The following COL6A6 variants were observed in gnomAD, a reference collection of about 807,000 sequenced individuals.
COL6A6 encodes the protein collagen type VI alpha 6 chain.
In COL6A6, 183 loss-of-function variants were observed where a neutral mutation model predicts 208.6. The ratio of observed to expected loss-of-function variants is 0.88; its 90% CI spans 0.78 to 0.99. The LOEUF (loss-of-function observed/expected upper bound fraction) is 0.99. Ranked by LOEUF, COL6A6 falls within the 50% of genes least tolerant of loss-of-function variation. COL6A6 has a pLI of 0.00. For synonymous variants in COL6A6, 973 were observed against 1,011.8 expected (o/e 0.96, Z 0.73); for missense variants, 2,816 against 2,815.2 (o/e 1.00, Z -0.01).
At chr3:130,529,811 G>A (rs2062041812) in intron 1 of COL6A6, among the ~76,000 whole-genome samples, 1 of 152,154 alleles carries the variant, frequency 6.6e-6, no homozygotes, top group Admixed American at 6.5e-5. Context: ...GTTCATGAGG[G>A]AAAGGACCAT....
Position 130,565,628 on chromosome 3 carries a change from C to G in COL6A6, c.1282+14C>G. The G allele has an allele frequency of 6.3e-7, 1 of 1,594,272 alleles. No homozygotes were observed. ...CGCTCAAATCTGGTAAGGTCTTCTGCTGAAAGAAGGGTTGTTTGGATTCTT... is the reference window on the plus strand; with the variant it reads ...CGCTCAAATCTGGTAAGGTCTTCTGGTGAAAGAAGGGTTGTTTGGATTCTT... On this transcript the variant is annotated intron_variant, in intron 4 of 36. Transcript: ENST00000358511.
chr3:130,574,196 T>C lies in COL6A6; in HGVS notation c.3218T>C (p.Ile1073Thr), dbSNP rs747300946. Residue 1073 changes from isoleucine (I) to threonine (T), a missense_variant, in exon 8 of 37, where the codon ATC becomes ACC. Transcript: ENST00000358511. ...ISFQIENIKQIFGNTHIGAAL... is the reference protein window; with the variant it reads ...ISFQIENIKQTFGNTHIGAAL... ...TTTCAGATTGAAAACATCAAGCAGA[T>C]CTTTGGAAACACACACATCGGTGCT... The C allele has an allele frequency of 2.5e-6, 4 of 1,613,936 alleles. No individual in the cohort carries two copies. Among genetic ancestry groups the C allele is most frequent in the Middle Eastern group, 3.3e-4 (2 of 6,062 alleles).
At chr3:130,645,131 C>CAG in intron 32 of COL6A6, 129 bp downstream of exon 32, 1 of 848,388 alleles carries the variant, frequency 1.2e-6, no homozygotes, top group Non-Finnish European at 2.0e-6. Flanking sequence ...TTGCTGCTGC[C>CAG]TCATACTGGT....
At chr3:130,634,234 T>TAAA (rs2065035952) in intron 26 of COL6A6, among the ~76,000 whole-genome samples, 1 of 12,632 alleles carries the variant, frequency 7.9e-5, no homozygotes, top group Non-Finnish European at 1.2e-4. Context: ...AATAAATAAA[T>TAAA]AAATAAATAA....
intron 1 of COL6A6, among the ~76,000 whole-genome samples, chr3:130,542,285 T>C (rs193292621): frequency 6.6e-6 from 1 of 152,198 alleles, no homozygotes; most frequent in African/African-American, 2.4e-5. Flanking sequence ...TTTCTTCTAC[T>C]CATTTTATTT....
At position 130,586,495 on chromosome 3, in the gene COL6A6, G is replaced by T; in HGVS notation, c.3971-11G>T. ...CACCTCACCTGGAACATTGTAAACT[G>T]TGTTGGATAGGCCTGAATGCCCTCA... On this transcript the variant is annotated splice_polypyrimidine_tract_variant and intron_variant, in intron 10 of 36. Coordinates refer to ENST00000358511, the MANE Select transcript of COL6A6 (RefSeq NM_001102608.3). The T allele has an allele frequency of 6.2e-7, 1 of 1,607,518 alleles. No individual in the cohort carries two copies. Among genetic ancestry groups the T allele is most frequent in the Non-Finnish European group, 8.5e-7 (1 of 1,177,800 alleles).
chr3:130,563,561 T>G lies in COL6A6; in HGVS notation c.558T>G (p.Leu186=). Reference sequence around the variant, plus strand: ...CCACGTCTCAGTTTCATTTCAACCTTCGGACAGTCAGAGACCTCAGCATGT... The same window carrying G: ...CCACGTCTCAGTTTCATTTCAACCTGCGGACAGTCAGAGACCTCAGCATGT... ...AMATSQFHFN[L]RTVRDLSMFS... is the part of the protein sequence containing the mutation. The change falls in exon 3 of 37, where the codon CTT becomes CTG. Residue 186 remains leucine, a synonymous_variant. Coordinates refer to ENST00000358511, the MANE Select transcript of COL6A6 (RefSeq NM_001102608.3). 6.2e-7 allele frequency: 1 copy of G among 1,613,958 alleles called. No individual in the cohort carries two copies. The highest frequency in any genetic ancestry group is 2.2e-5 in the East Asian group (1 of 44,876).
chr3:130,556,420 T>A (rs1381611882), intron 1 of COL6A6, among the ~76,000 whole-genome samples: 1 of 152,236 alleles, frequency 6.6e-6, no homozygotes, highest in Non-Finnish European at 1.5e-5. Context: ...AAGATTCAGA[T>A]AATCTGTTTC....
In COL6A6 at chr3:130,568,331, C is replaced by T. The variant is rs760042090; in HGVS notation, c.2128C>T (p.Gln710Ter). ...LTGSALSFVS[Q>*]YFSPTKGARP... ...TGGTAGTGCCCTGAGCTTTGTGTCTCAGTACTTCAGCCCCACCAAGGGCGC... is the reference window on the plus strand; with the variant it reads ...TGGTAGTGCCCTGAGCTTTGTGTCTTAGTACTTCAGCCCCACCAAGGGCGC... The change falls in exon 6 of 37, where the codon CAG becomes TAG. Residue 710 changes from glutamine (Q) to a stop codon, truncating the protein, a stop_gained. Transcript: ENST00000358511. LOFTEE classifies it high-confidence loss of function. 6.8e-6 allele frequency: 11 copies of T among 1,613,890 alleles called. No homozygotes were observed. The African/African-American group carries it at 1.3e-4, about 20-fold the overall frequency.
chr3:130,520,019 C>T (rs1710972408), intron 1 of COL6A6, among the ~76,000 whole-genome samples: 1 of 152,176 alleles, frequency 6.6e-6, no homozygotes, highest in Non-Finnish European at 1.5e-5. Flanking sequence ...GGGCCTGTCA[C>T]TCTGGCATGC....
chr3:130,558,737 A>G (rs2062819294), intron 1 of COL6A6, among the ~76,000 whole-genome samples: 1 of 152,242 alleles, frequency 6.6e-6, no homozygotes, highest in Admixed American at 6.5e-5. Context: ...TAATATAAAC[A>G]GAAAGGAAGA....
chr3:130,638,034 A>G (rs1383900982), intron 28 of COL6A6, among the ~76,000 whole-genome samples: 1 of 152,026 alleles, frequency 6.6e-6, no homozygotes, highest in Non-Finnish European at 1.5e-5. Flanking sequence ...AATCAAAAAC[A>G]TCTTCAGACA....
intron 20 of COL6A6, among the ~76,000 whole-genome samples, chr3:130,606,446 C>T (rs2064185744): frequency 6.6e-6 from 1 of 152,136 alleles, no homozygotes; most frequent in Non-Finnish European, 1.5e-5. Flanking sequence ...ATTAGTTTGG[C>T]CATCTTTATG....
At chr3:130,636,563 A>G (rs2065115478) in intron 28 of COL6A6, among the ~76,000 whole-genome samples, 1 of 152,152 alleles carries the variant, frequency 6.6e-6, no homozygotes, top group Non-Finnish European at 1.5e-5. Context: ...CAAGAATTTT[A>G]AAAGTCTGAT....
At chr3:130,552,869 T>C (rs1270121042) in intron 1 of COL6A6, among the ~76,000 whole-genome samples, 9 of 152,228 alleles carry the variant, frequency 5.9e-5, no homozygotes, top group African/African-American at 2.2e-4. Flanking sequence ...CCTTAGCACT[T>C]GCTTGTCTGA....
intron 8 of COL6A6, among the ~76,000 whole-genome samples, chr3:130,576,218 G>C (rs778343873): frequency 1.3e-5 from 2 of 152,066 alleles, no homozygotes; most frequent in Admixed American, 6.5e-5. Flanking sequence ...CCAGGATTAG[G>C]TTATCTCCAG....
At chr3:130,625,249 G>A (rs2064851070) in intron 24 of COL6A6, among the ~76,000 whole-genome samples, 1 of 152,142 alleles carries the variant, frequency 6.6e-6, no homozygotes, top group South Asian at 2.1e-4. Flanking sequence ...TTACCCCAGA[G>A]TTCAGTGCTG....
At chr3:130,521,251 G>A (rs957875536) in intron 1 of COL6A6, among the ~76,000 whole-genome samples, 6 of 152,120 alleles carry the variant, frequency 3.9e-5, no homozygotes, top group Non-Finnish European at 8.8e-5. Context: ...TATTTAGTCC[G>A]TTAAAAACAA....
At chr3:130,671,951 T>C (rs1460841569) in intron 36 of COL6A6, among the ~76,000 whole-genome samples, 1 of 152,244 alleles carries the variant, frequency 6.6e-6, no homozygotes, top group Non-Finnish European at 1.5e-5. Flanking sequence ...AAAGCAGTGA[T>C]AGGCCAGAGC....
Sources: gnomAD v4.1 joint callset for allele counts (sites outside exome capture counted in the v4.1 genomes callset) on GRCh38, gnomAD v4.1.1 for gene constraint, MANE v1.5 for transcripts, NCBI Gene and HGNC (gene_info 2026-07-23, HGNC 2026-07-21) for gene names.